Variants in KANSL1 observed in about 807,000 individuals in gnomAD.
KANSL1 encodes the protein MLL1/MLL complex subunit KANSL1.
KANSL1 carries 22 observed loss-of-function variants against 103.6 expected under a neutral mutation model. That is an observed-to-expected ratio of 0.21 (90% confidence interval 0.15 to 0.30). KANSL1 has a LOEUF of 0.30. Among genes scored for constraint, KANSL1 ranks in the 10% least tolerant of loss-of-function variants. KANSL1 has a pLI of 1.00. For synonymous variants in KANSL1, 600 were observed against 527.6 expected (o/e 1.14, Z -1.88); for missense variants, 1,337 against 1,399.8 (o/e 0.96, Z 0.72).
At chr17:46,088,259 A>C (rs1189046355) in intron 3 of KANSL1, among the ~76,000 whole-genome samples, 2 of 152,174 alleles carry the variant, frequency 1.3e-5, no homozygotes, top group African/African-American at 4.8e-5. Flanking sequence ...GCTAACAGGC[A>C]ATTTCACATA....
At chr17:46,059,291 G>A (rs1325795661) in intron 6 of KANSL1, among the ~76,000 whole-genome samples, 4 of 152,014 alleles carry the variant, frequency 2.6e-5, no homozygotes, top group Admixed American at 1.3e-4. Flanking sequence ...TGGCAGTCTC[G>A]TGAGGAGACT....
intron 6 of KANSL1, among the ~76,000 whole-genome samples, chr17:46,059,353 T>A (rs991801285): frequency 1.3e-5 from 2 of 151,968 alleles, no homozygotes; most frequent in African/African-American, 4.8e-5. Context: ...GCACAGTGGC[T>A]CACACCTGTA....
At chr17:46,047,811 A>C (rs950596221) in intron 7 of KANSL1, among the ~76,000 whole-genome samples, 4 of 135,900 alleles carry the variant, frequency 2.9e-5, no homozygotes, top group Admixed American at 6.9e-5. Flanking sequence ...TTAAAAAAAA[A>C]AAAAAAACAA....
chr17:46,039,012 T>C lies in KANSL1; in HGVS notation c.2392+15A>G, dbSNP rs769760161. On this transcript the variant is annotated intron_variant, in intron 9 of 14. Coordinates refer to ENST00000432791, the MANE Select transcript of KANSL1 (RefSeq NM_015443.4). Reference sequence around the variant, plus strand: ...GGTGCAGTTGCAGGTAGAGGTGCCATGGGCCTGGCCCTACCTTCACTTCTC... The same window carrying C: ...GGTGCAGTTGCAGGTAGAGGTGCCACGGGCCTGGCCCTACCTTCACTTCTC... 35 of 1,601,798 alleles carry C rather than the reference T, an allele frequency of 2.2e-5. No homozygotes were observed. The highest frequency in any genetic ancestry group is 2.9e-5 in the Non-Finnish European group (34 of 1,177,292).
intron 6 of KANSL1, among the ~76,000 whole-genome samples, chr17:46,057,046 A>C (rs932181868): frequency 1.3e-5 from 2 of 152,226 alleles, no homozygotes; most frequent in Non-Finnish European, 2.9e-5. Context: ...TTCAAAGCAC[A>C]GGCTCCCATT....
chr17:46,101,773 A>G (rs1257535356), intron 2 of KANSL1, among the ~76,000 whole-genome samples: 2 of 141,642 alleles, frequency 1.4e-5, no homozygotes, highest in African/African-American at 2.5e-5. Flanking sequence ...AAAAAAAAAA[A>G]AAAAAAGAAA....
At chr17:46,158,829 C>T (rs2045576943) in intron 2 of KANSL1, among the ~76,000 whole-genome samples, 1 of 152,224 alleles carries the variant, frequency 6.6e-6, no homozygotes, top group Non-Finnish European at 1.5e-5. Context: ...GCATAAGCCA[C>T]CACACCCGGC....
intron 2 of KANSL1, among the ~76,000 whole-genome samples, chr17:46,106,525 T>C (rs1241510789): frequency 6.6e-6 from 1 of 152,216 alleles, no homozygotes; most frequent in Non-Finnish European, 1.5e-5. Context: ...CCCGAGTAGC[T>C]GGGATTACAG....
At chr17:46,134,725 A>G (rs529940124) in intron 2 of KANSL1, among the ~76,000 whole-genome samples, 4 of 152,188 alleles carry the variant, frequency 2.6e-5, no homozygotes, top group African/African-American at 7.2e-5. Context: ...TGCACCTGTC[A>G]GCCCAGCTAC....
intron 2 of KANSL1, among the ~76,000 whole-genome samples, chr17:46,159,961 A>G (rs2045643653): frequency 6.6e-6 from 1 of 152,234 alleles, no homozygotes; most frequent in Non-Finnish European, 1.5e-5. Context: ...AGTTACAGCA[A>G]ACAGCAAAGC....
At chr17:46,152,588 G>GT in intron 2 of KANSL1, among the ~76,000 whole-genome samples, 1 of 144,238 alleles carries the variant, frequency 6.9e-6, no homozygotes, top group Non-Finnish European at 1.5e-5. Flanking sequence ...ACAAAGGGGG[G>GT]GGGGGGATTT....
intron 10 of KANSL1, 185 bp downstream of exon 10, chr17:46,038,353 C>A: frequency 1.6e-6 from 1 of 630,172 alleles, no homozygotes; most frequent in South Asian, 2.4e-5. Context: ...AGAAAAACAA[C>A]AGAAGGTCAA....
Position 46,038,666 on chromosome 17 carries a change from T to C in KANSL1, c.2413A>G (p.Met805Val), listed in dbSNP as rs184281762. ...GCTGCCAAGTAGCTCGAACTGCTCA[T>C]GTCTGTGTGATGCTTCAACACTGCA... ...RSEVLKHHTD[M>V]SSSSYLAATH... The change falls in exon 10 of 15, where the codon ATG becomes GTG. Residue 805 changes from methionine to valine, a missense_variant. Coordinates refer to ENST00000432791, the MANE Select transcript of KANSL1 (RefSeq NM_015443.4). 1.9e-6 allele frequency: 3 copies of C among 1,614,194 alleles called. No individual in the cohort carries two copies. The highest frequency in any genetic ancestry group is 2.7e-5 in the African/African-American group (2 of 75,048).
intron 5 of KANSL1, 92 bp from the exon 6 acceptor site, chr17:46,066,824 A>T: frequency 1.1e-6 from 1 of 875,518 alleles, no homozygotes; most frequent in Admixed American, 2.6e-5. Context: ...AGCCTCTTAT[A>T]CTAGTTCAAC....
At chr17:46,196,415 G>A (rs1210789712), upstream of KANSL1, 3 of 456,172 alleles carry the variant, frequency 6.6e-6, no homozygotes, top group Non-Finnish European at 1.3e-5. Context: ...GCCTCCAAAA[G>A]AGAACTGTGA....
chr17:46,043,207 A>T (rs1441649372), intron 7 of KANSL1: 1 of 152,014 alleles, frequency 6.6e-6, no homozygotes, highest in African/African-American at 2.4e-5. Flanking sequence ...AAGGCTGTGT[A>T]TGTTTTGTAT....
intron 2 of KANSL1, among the ~76,000 whole-genome samples, chr17:46,153,404 G>A (rs1342245333): frequency 7.9e-5 from 12 of 152,218 alleles, no homozygotes; most frequent in Non-Finnish European, 5.9e-5. Context: ...TTTATCAAAA[G>A]CCTGTGGAAA....
chr17:46,164,029 C>A (rs1390150284), intron 2 of KANSL1, among the ~76,000 whole-genome samples: 1 of 152,252 alleles, frequency 6.6e-6, no homozygotes. Flanking sequence ...AGGCACTGTT[C>A]TAAACATTCA....
intron 2 of KANSL1, among the ~76,000 whole-genome samples, chr17:46,141,310 CAA>C (rs2044409132): frequency 6.6e-6 from 1 of 152,168 alleles, no homozygotes; most frequent in Non-Finnish European, 1.5e-5. Flanking sequence ...TCCCACAGAG[CAA>C]AATCCACACT....
Sources: allele counts gnomAD v4.1 joint callset (sites outside exome capture counted in the v4.1 genomes callset), GRCh38; gene constraint gnomAD v4.1.1; transcripts MANE v1.5; gene names NCBI Gene and HGNC (gene_info 2026-07-23, HGNC 2026-07-21).